Variants in MC2R observed in about 807,000 individuals in gnomAD.
MC2R encodes melanocortin 2 receptor.
MC2R carries 9 observed loss-of-function variants against 9.8 expected under a neutral mutation model. The ratio of observed to expected loss-of-function variants is 0.92; its 90% CI spans 0.55 to 1.60. The LOEUF (loss-of-function observed/expected upper bound fraction) is 1.60, where lower values mean the gene tolerates loss of function less well. MC2R is among the 40% of genes most tolerant of loss of function. The pLI is 0.00. For synonymous variants in MC2R, 185 were observed against 154.7 expected (o/e 1.20, Z -1.45); for missense variants, 370 against 389.0 (o/e 0.95, Z 0.41).
Position 13,903,067 on chromosome 18 carries a change from C to G in MC2R, c.-129+12421G>C, listed in dbSNP as rs145528000. Among the ~76,000 whole-genome samples, 391 of 152,272 alleles carry G rather than the reference C, an allele frequency of 2.6e-3. 2 individuals carry two copies. Among genetic ancestry groups the G allele is most frequent in the African/African-American group, 9.1e-3 (378 of 41,570 alleles). The stretch of plus-strand genomic sequence containing the variant: ...GATGTATCTCTAAAGAGGACATACA[C>G]ATGGCAAACAGGCATATGAAAAGGT... On this transcript the variant is annotated intron_variant, in intron 1 of 1. Transcript: ENST00000327606.
At chr18:13,897,462 G>A (rs767208804) in intron 1 of MC2R, among the ~76,000 whole-genome samples, 1 of 152,142 alleles carries the variant, frequency 6.6e-6, no homozygotes, top group African/African-American at 2.4e-5. Flanking sequence ...ACTCTTAGGC[G>A]AGTCCTAACG....
At chr18:13,900,659 C>G (rs1479620869) in intron 1 of MC2R, among the ~76,000 whole-genome samples, 2 of 152,088 alleles carry the variant, frequency 1.3e-5, no homozygotes, top group East Asian at 3.8e-4. Flanking sequence ...CAAAGAAGGT[C>G]ACTACATAAT....
chr18:13,908,860 A>G (rs1418887023), intron 1 of MC2R, among the ~76,000 whole-genome samples: 2 of 152,130 alleles, frequency 1.3e-5, no homozygotes, highest in African/African-American at 4.8e-5. Flanking sequence ...ACAGTTTTAA[A>G]TTTATGGAAA....
chr18:13,898,359 A>G (rs1328479670), intron 1 of MC2R, among the ~76,000 whole-genome samples: 1 of 152,220 alleles, frequency 6.6e-6, no homozygotes, highest in African/African-American at 2.4e-5. Flanking sequence ...GCCACAGACA[A>G]TAGAACACTA....
Position 13,896,218 on chromosome 18 carries a change from A to G in MC2R, c.-128-10572T>C, listed in dbSNP as rs1455398182. On this transcript the variant is annotated intron_variant, in intron 1 of 1. Transcript: ENST00000327606. ...CCAAGATTCTCAATGTAAAGGGATG[A>G]AAATTTTTACTAATGTCAGATTTCT... is the stretch of plus-strand genomic sequence containing the variant. Among the ~76,000 whole-genome samples the G allele has an allele frequency of 2.6e-5, 4 of 152,208 alleles. No homozygotes were observed. The East Asian group carries it at 7.7e-4, about 29-fold the overall frequency.
chr18:13,905,693 C>T (rs1382249892), intron 1 of MC2R, among the ~76,000 whole-genome samples: 2 of 152,150 alleles, frequency 1.3e-5, no homozygotes, highest in East Asian at 3.8e-4. Flanking sequence ...TATGGTGATT[C>T]CTCAAGGATC....
chr18:13,887,874 G>A (rs779223991), intron 1 of MC2R, among the ~76,000 whole-genome samples: 15 of 148,676 alleles, frequency 1.0e-4, no homozygotes, highest in Admixed American at 2.7e-4. Context: ...TTGGGACTGC[G>A]CAGCCCCATA....
rs1222009734 is a variant in MC2R, at chr18:13,882,588, G to A, written c.*2037C>T. 1 of 152,224 alleles carries A rather than the reference G, an allele frequency of 6.6e-6. No homozygotes were observed. The highest frequency in any genetic ancestry group is 1.5e-5 in the Non-Finnish European group (1 of 68,048). 9.4% of individuals were successfully genotyped at this position (152,224 alleles called of 1,614,324 possible). ...AGAGCTTGAGAGTGATTAGGAGACAGCAAAGCTGTTGACAAAGGCAGAATT... is the reference window on the plus strand; with the variant it reads ...AGAGCTTGAGAGTGATTAGGAGACAACAAAGCTGTTGACAAAGGCAGAATT... On this transcript the variant is annotated 3_prime_UTR_variant, in exon 2 of 2. Transcript: ENST00000327606.
chr18:13,887,930 C>T (rs1347468633), intron 1 of MC2R, among the ~76,000 whole-genome samples: 4 of 152,060 alleles, frequency 2.6e-5, no homozygotes, highest in Non-Finnish European at 5.9e-5. Flanking sequence ...TGTCTCTACC[C>T]ATCTCCTGCT....
At chr18:13,899,134 A>G (rs780248426) in intron 1 of MC2R, among the ~76,000 whole-genome samples, 5 of 152,224 alleles carry the variant, frequency 3.3e-5, no homozygotes, top group Non-Finnish European at 5.9e-5. Flanking sequence ...AGGAATTCAG[A>G]ATCCTATCAG....
intron 1 of MC2R, among the ~76,000 whole-genome samples, chr18:13,888,139 G>A (rs984198723): frequency 6.6e-6 from 1 of 152,030 alleles, no homozygotes; most frequent in Non-Finnish European, 1.5e-5. Flanking sequence ...GTTGAAAGTG[G>A]TTGTAATATT....
Position 13,884,152 on chromosome 18 carries a change from T to G in MC2R, c.*473A>C. ...GAGACCCTACATCTTCTGCCTGGAG[T>G]CGCATGTCCAGGTACTTAACTTCTG... On this transcript the variant is annotated 3_prime_UTR_variant, in exon 2 of 2. Transcript: ENST00000327606. The G allele has an allele frequency of 4.6e-6, 1 of 219,372 alleles. No homozygotes were observed. Among genetic ancestry groups the G allele is most frequent in the Non-Finnish European group, 9.2e-6 (1 of 108,814 alleles). 13.6% of individuals were successfully genotyped at this position (219,372 alleles called of 1,614,324 possible). A position where few individuals can be genotyped will look rare whatever the true frequency, so the allele number is the denominator to read the frequency against.
rs188454360 is a variant in MC2R, at chr18:13,884,748, G to C, written c.771C>G (p.Leu257=). 5.6e-6 allele frequency: 9 copies of C among 1,614,138 alleles called. No individual in the cohort carries two copies. In the African/African-American group the frequency reaches 1.2e-4, roughly 22 times the overall value. The change falls in exon 2 of 2, where the codon CTC becomes CTG. Residue 257 remains leucine (L), a synonymous_variant. Coordinates refer to ENST00000327606, the MANE Select transcript of MC2R (RefSeq NM_000529.2). ...TGATCAACATGCCGTTCACCTGGAA[G>C]AGAGACATGTAGCAGGCGCAGTAGG... ...SNPYCACYMS[L]FQVNGMLIMC...
intron 1 of MC2R, among the ~76,000 whole-genome samples, chr18:13,913,338 G>T (rs16941308): frequency 6.6e-6 from 1 of 152,096 alleles, no homozygotes; most frequent in African/African-American, 2.4e-5. Flanking sequence ...TGACCCACTC[G>T]GACCTTTCCC....
chr18:13,913,717 C>CT (rs2045460088), intron 1 of MC2R, among the ~76,000 whole-genome samples: 1 of 152,232 alleles, frequency 6.6e-6, no homozygotes, highest in African/African-American at 2.4e-5. Flanking sequence ...ACACTCAGCA[C>CT]TGTGTCCTTG....
intron 1 of MC2R, among the ~76,000 whole-genome samples, chr18:13,905,526 C>T (rs896328252): frequency 2.7e-5 from 4 of 150,562 alleles, no homozygotes; most frequent in Non-Finnish European, 5.9e-5. Flanking sequence ...CAGAGAAATG[C>T]AAATCAAAAC....
chr18:13,908,387 A>C (rs2045425882), intron 1 of MC2R, among the ~76,000 whole-genome samples: 1 of 152,184 alleles, frequency 6.6e-6, no homozygotes, highest in Non-Finnish European at 1.5e-5. Context: ...GGAGAGGGAG[A>C]TGAAGAGAAA....
chr18:13,906,159 G>T (rs1300361990), intron 1 of MC2R, among the ~76,000 whole-genome samples: 1 of 152,184 alleles, frequency 6.6e-6, no homozygotes, highest in Non-Finnish European at 1.5e-5. Context: ...ATTTACAATA[G>T]CAAAGACATG....
At position 13,884,891 on chromosome 18, in the gene MC2R, G is replaced by A; in HGVS notation, c.628C>T (p.Leu210Phe). The change falls in exon 2 of 2, where the codon CTC becomes TTC. Residue 210 changes from leucine (L) to phenylalanine (F), a missense_variant. Transcript: ENST00000327606. ...ARSHTRKIST[L>F]PRANMKGAIT... is the part of the protein sequence containing the mutation. ...GCCCCTTTCATGTTGGCTCTGGGGA[G>A]GGTGGAGATCTTCCTGGTGTGGGAT... is the stretch of plus-strand genomic sequence containing the variant. The A allele has an allele frequency of 6.2e-7, 1 of 1,614,108 alleles. No individual in the cohort carries two copies. Among genetic ancestry groups the A allele is most frequent in the Non-Finnish European group, 8.5e-7 (1 of 1,180,018 alleles).
Sources: gnomAD v4.1 joint callset for allele counts (sites outside exome capture counted in the v4.1 genomes callset) on GRCh38, gnomAD v4.1.1 for gene constraint, MANE v1.5 for transcripts, NCBI Gene and HGNC (gene_info 2026-07-23, HGNC 2026-07-21) for gene names.